Variants in ABCA12 observed in about 807,000 individuals in gnomAD.
ABCA12 encodes the protein glucosylceramide transporter ABCA12.
ABCA12 carries 156 observed loss-of-function variants against 293.5 expected under a neutral mutation model. That is an observed-to-expected ratio of 0.53 (90% CI 0.47 to 0.61). The LOEUF is 0.61. ABCA12 is among the 20% of genes least tolerant of loss of function. The probability of loss-of-function intolerance (pLI) is 0.00; values close to 1 mark genes in which losing one functional copy is unlikely to be tolerated. For synonymous variants in ABCA12, 1,063 were observed against 1,108.0 expected, an observed-to-expected ratio of 0.96 and a Z score of 0.81; for missense variants, 2,797 against 3,090.2, an observed-to-expected ratio of 0.91 and a Z score of 2.25.
intron 48 of ABCA12, among the ~76,000 whole-genome samples, chr2:214,945,436 A>G (rs1173111248): frequency 1.3e-5 from 2 of 152,226 alleles, no homozygotes; most frequent in African/African-American, 4.8e-5. Flanking sequence ...TATAAGCCAC[A>G]TCAACAAGAT....
chr2:215,074,180 G>C (rs1484565104), intron 2 of ABCA12, among the ~76,000 whole-genome samples: 2 of 152,128 alleles, frequency 1.3e-5, no homozygotes, highest in Admixed American at 6.6e-5. Context: ...CATATTCCCA[G>C]CTGAAAAGAT....
At chr2:215,069,278 G>A (rs1701691450) in intron 2 of ABCA12, among the ~76,000 whole-genome samples, 1 of 151,252 alleles carries the variant, frequency 6.6e-6, no homozygotes, top group Admixed American at 6.6e-5. Context: ...CAGAATAAGT[G>A]TCAGGCCTTC....
chr2:214,934,207 G>GTGCT lies in ABCA12; in HGVS notation c.7547_7550dup (p.His2517GlnfsTer22). 1.9e-6 allele frequency: 3 copies of GTGCT among 1,613,704 alleles called. No homozygotes were observed. The highest frequency in any genetic ancestry group is 2.5e-6 in the Non-Finnish European group (3 of 1,179,732). ...GTACATGATACTCTAGCATGCTGAG[G>GTGCT]TGCTGATCCTGTGGGAACCAAAGGA... On this transcript the variant is annotated frameshift_variant, in exon 52 of 53. Coordinates refer to ENST00000272895, the MANE Select transcript of ABCA12 (RefSeq NM_173076.3). LOFTEE classifies it high-confidence loss of function.
At chr2:215,015,978 A>T (rs1245722103) in intron 14 of ABCA12, among the ~76,000 whole-genome samples, 1 of 151,406 alleles carries the variant, frequency 6.6e-6, no homozygotes, top group Non-Finnish European at 1.5e-5. Flanking sequence ...CCCCGTCTCT[A>T]CTAAAGATAC....
chr2:215,078,561 G>C (rs1415421072), intron 2 of ABCA12, among the ~76,000 whole-genome samples: 2 of 152,088 alleles, frequency 1.3e-5, no homozygotes, highest in Non-Finnish European at 2.9e-5. Context: ...GTTTATTCCT[G>C]TGTAGATATT....
intron 1 of ABCA12, among the ~76,000 whole-genome samples, chr2:215,134,620 G>T (rs201374429): frequency 0.036 from 3,342 of 93,122 alleles, 146 homozygotes; most frequent in South Asian, 0.059. Flanking sequence ...TATATATAGA[G>T]AGAGAGAGAG....
At chr2:214,956,825 C>CA (rs373508320) in intron 41 of ABCA12, 47 bp from the exon 42 acceptor site, 38,026 of 983,526 alleles carry the variant, frequency 0.039, 77 homozygotes, top group African/African-American at 0.064. Context: ...AAGCATTTTT[C>CA]AAAAAAAAAA....
At chr2:214,974,590 A>G (rs1251426338) in intron 35 of ABCA12, among the ~76,000 whole-genome samples, 188 bp downstream of exon 35, 1 of 152,200 alleles carries the variant, frequency 6.6e-6, no homozygotes, top group African/African-American at 2.4e-5. Context: ...GACATCTAAT[A>G]TTGATTGGTA....
intron 9 of ABCA12, among the ~76,000 whole-genome samples, chr2:215,029,883 C>CA (rs1700835643): frequency 6.6e-6 from 1 of 152,032 alleles, no homozygotes. Context: ...GACTTTAGAA[C>CA]AAAAATAATT....
intron 7 of ABCA12, among the ~76,000 whole-genome samples, chr2:215,038,104 T>C (rs949541330): frequency 4.6e-5 from 7 of 152,160 alleles, no homozygotes; most frequent in African/African-American, 9.6e-5. Context: ...ATATGAATGA[T>C]AGCTGTTTAG....
At chr2:215,008,558 T>C (rs1016651894) in intron 18 of ABCA12, among the ~76,000 whole-genome samples, 7 of 152,136 alleles carry the variant, frequency 4.6e-5, no homozygotes, top group African/African-American at 1.7e-4. Flanking sequence ...TGTATTCTTG[T>C]ATGAGAAAAA....
intron 2 of ABCA12, 112 bp from the exon 3 acceptor site, chr2:215,064,331 GT>G: frequency 8.7e-7 from 1 of 1,146,206 alleles, no homozygotes; most frequent in Non-Finnish European, 1.3e-6. Context: ...CACTCTCCGG[GT>G]CCCCCAACTG....
At chr2:215,018,758 C>G (rs922596040) in intron 13 of ABCA12, among the ~76,000 whole-genome samples, 1 of 152,188 alleles carries the variant, frequency 6.6e-6, no homozygotes, top group African/African-American at 2.4e-5. Context: ...CCTGCAAATG[C>G]CTTTCCATCT....
chr2:215,039,202 G>A (rs1354109556), intron 7 of ABCA12, among the ~76,000 whole-genome samples: 8 of 151,910 alleles, frequency 5.3e-5, no homozygotes, highest in Non-Finnish European at 1.0e-4. Flanking sequence ...ATCTGATTTC[G>A]GTGGTTGGTT....
chr2:214,982,387 C>G lies in ABCA12; in HGVS notation c.4383-4G>C. ...TAGTCCAGTATCTTTTAAAGTCCTT[C>G]AAAAATAATGTATGATGGTTATTTT... On this transcript the variant is annotated splice_polypyrimidine_tract_variant and splice_region_variant and intron_variant, in intron 29 of 52. Coordinates refer to ENST00000272895, the MANE Select transcript of ABCA12 (RefSeq NM_173076.3). 1 of 1,611,526 alleles carries G rather than the reference C, an allele frequency of 6.2e-7. No homozygotes were observed. Among genetic ancestry groups the G allele is most frequent in the South Asian group, 1.1e-5 (1 of 90,986 alleles).
chr2:215,007,225 G>A (rs768828829), intron 19 of ABCA12, among the ~76,000 whole-genome samples: 20 of 152,068 alleles, frequency 1.3e-4, no homozygotes, highest in Admixed American at 1.0e-3. Flanking sequence ...GGCCTTAAAC[G>A]TAAATTCAGA....
chr2:215,052,543 C>T lies in ABCA12; in HGVS notation c.451G>A (p.Gly151Arg), dbSNP rs768133744. The T allele has an allele frequency of 1.3e-5, 21 of 1,612,424 alleles. No homozygotes were observed. Among genetic ancestry groups the T allele is most frequent in the Middle Eastern group, 1.6e-4 (1 of 6,074 alleles). ...PSPSSDLEIP[G>R]TYTFNGSQVL... ...TGACTGCCATTGAAAGTATATGTTC[C>T]GGGGATTTCCAAATCAGAACTTGGA... Residue 151 changes from glycine (G) to arginine (R), a missense_variant, in exon 5 of 53, where the codon GGA (glycine) becomes AGA (arginine). Gly to Arg is a moderately radical substitution (Grantham distance 125). Coordinates refer to ENST00000272895, the MANE Select transcript of ABCA12 (RefSeq NM_173076.3).
At chr2:214,997,441 G>A (rs180755378) in intron 23 of ABCA12, among the ~76,000 whole-genome samples, 1 of 152,150 alleles carries the variant, frequency 6.6e-6, no homozygotes, top group Non-Finnish European at 1.5e-5. Context: ...ATTACTCCAG[G>A]AATTATCATT....
intron 1 of ABCA12, among the ~76,000 whole-genome samples, chr2:215,116,368 G>A (rs1702686493): frequency 6.6e-6 from 1 of 152,142 alleles, no homozygotes; most frequent in Admixed American, 6.5e-5. Flanking sequence ...AAGATGATAT[G>A]TAGAAGATAA....
Sources: allele counts gnomAD v4.1 joint callset (sites outside exome capture counted in the v4.1 genomes callset), GRCh38; gene constraint gnomAD v4.1.1; transcripts MANE v1.5; gene names NCBI Gene and HGNC (gene_info 2026-07-23, HGNC 2026-07-21).